FHAD1: variants seen among roughly 807,000 people sequenced by gnomAD.
The protein encoded by FHAD1 is forkhead-associated domain-containing protein 1.
A neutral mutation model predicts 191.3 loss-of-function variants in FHAD1; 146 were observed. The ratio of observed to expected loss-of-function variants is 0.76; its 90% CI spans 0.67 to 0.88. FHAD1 has a LOEUF of 0.88. Ranked by LOEUF, FHAD1 falls within the 40% of genes least tolerant of loss-of-function variation. The probability of loss-of-function intolerance (pLI) is 0.00; values close to 1 mark genes in which losing one functional copy is unlikely to be tolerated. For synonymous variants in FHAD1, 616 were observed against 672.3 expected, an observed-to-expected ratio of 0.92 and a Z score of 1.29; for missense variants, 1,635 against 1,785.8, an observed-to-expected ratio of 0.92 and a Z score of 1.52.
intron 6 of FHAD1, among the ~76,000 whole-genome samples, chr1:15,304,463 C>G (rs1669794884): frequency 6.6e-6 from 1 of 152,212 alleles, no homozygotes; most frequent in South Asian, 2.1e-4. Flanking sequence ...CATTTCCTAT[C>G]TGTCAGACAG....
intron 23 of FHAD1, 63 bp downstream of exon 23, chr1:15,362,789 A>G (rs1230288683): frequency 7.7e-7 from 1 of 1,304,902 alleles, no homozygotes; most frequent in African/African-American, 1.5e-5. Context: ...GTGGGGGCAA[A>G]CAGGCAACCA....
chr1:15,344,852 C>T (rs2102332293), intron 16 of FHAD1, among the ~76,000 whole-genome samples: 1 of 152,302 alleles, frequency 6.6e-6, no homozygotes, highest in African/African-American at 2.4e-5. Context: ...GAAACTGAGG[C>T]TCTGGTAGCT....
At chr1:15,352,695 G>A (rs1006338607) in intron 19 of FHAD1, among the ~76,000 whole-genome samples, 182 bp from the exon 20 acceptor site, 1 of 152,100 alleles carries the variant, frequency 6.6e-6, no homozygotes, top group Non-Finnish European at 1.5e-5. Flanking sequence ...TGGCTCCCGG[G>A]TTCTCACCAT....
chr1:15,385,794 G>A (rs940474675), intron 31 of FHAD1, among the ~76,000 whole-genome samples: 52 of 152,110 alleles, frequency 3.4e-4, no homozygotes, highest in African/African-American at 1.2e-3. Context: ...AGAAAAAAAG[G>A]CATAGTTCTA....
intron 28 of FHAD1, 92 bp from the exon 29 acceptor site, chr1:15,380,609 A>G: frequency 1.0e-6 from 1 of 991,612 alleles, no homozygotes; most frequent in South Asian, 1.4e-5. Flanking sequence ...CTCTTGAGTT[A>G]ATCTTCGGTA....
chr1:15,279,116 C>T (rs1338966755), intron 3 of FHAD1, among the ~76,000 whole-genome samples: 2 of 152,106 alleles, frequency 1.3e-5, no homozygotes, highest in Non-Finnish European at 2.9e-5. Flanking sequence ...TCTCTGGGGC[C>T]ACTGCTTTAC....
rs564245462 is a variant in FHAD1, at chr1:15,385,168, A to G, written c.4189-2883A>G. Among the ~76,000 whole-genome samples the G allele has an allele frequency of 2.0e-5, 3 of 152,036 alleles. No homozygotes were observed. In the South Asian group the frequency reaches 6.2e-4, roughly 32 times the overall value. On this transcript the variant is annotated intron_variant, in intron 31 of 33. Coordinates refer to ENST00000688493, the MANE Select transcript of FHAD1 (RefSeq NM_001391957.1). ...TTGCTTGCTGTTCAAGAATTTGACA[A>G]CATCAGAGAAAACAGTTTTTTTTCA...
intron 31 of FHAD1, among the ~76,000 whole-genome samples, chr1:15,387,038 A>AT (rs1293347082): frequency 6.6e-5 from 10 of 150,926 alleles, no homozygotes; most frequent in South Asian, 2.1e-4. Flanking sequence ...TTATTTTTGT[A>AT]TTTTTTTTAG....
Position 15,240,981 on chromosome 1 carries a change from G to T in FHAD1, c.-15+4220G>T, listed in dbSNP as rs1352842562. Among the ~76,000 whole-genome samples the T allele has an allele frequency of 4.7e-5, 7 of 147,520 alleles. No homozygotes were observed. The East Asian group carries it at 1.4e-3, about 30-fold the overall frequency. On this transcript the variant is annotated intron_variant, in intron 1 of 33. Coordinates refer to the FHAD1 transcript ENST00000683790. The stretch of plus-strand genomic sequence containing the variant: ...CAAAAAAAAAAAAAAAAAAAAGAAA[G>T]AAAGAAAGAAAGCAGATGCAGATTT...
At chr1:15,275,827 T>A (rs1410143426) in intron 3 of FHAD1, among the ~76,000 whole-genome samples, 1 of 152,148 alleles carries the variant, frequency 6.6e-6, no homozygotes, top group Non-Finnish European at 1.5e-5. Flanking sequence ...GGGCTGTGTC[T>A]TCCCCGCGGT....
chr1:15,300,248 G>A lies in FHAD1; in HGVS notation c.679-957G>A, dbSNP rs35936489. On this transcript the variant is annotated intron_variant, in intron 5 of 33. Coordinates refer to ENST00000688493, the MANE Select transcript of FHAD1 (RefSeq NM_001391957.1). ...GTGCTTTTTCTTTTGGAGAGATGGGGGACTGGGTTAATGATACCTGTGGGT... is the reference window on the plus strand; with the variant it reads ...GTGCTTTTTCTTTTGGAGAGATGGGAGACTGGGTTAATGATACCTGTGGGT... Among the ~76,000 whole-genome samples the A allele has an allele frequency of 5.5e-3, 841 of 152,222 alleles. 3 individuals are homozygous for A. Among genetic ancestry groups the A allele is most frequent in the Non-Finnish European group, 8.2e-3 (559 of 68,010 alleles).
chr1:15,307,451 CA>C (rs374632854), intron 6 of FHAD1, among the ~76,000 whole-genome samples: 321 of 152,196 alleles, frequency 2.1e-3, no homozygotes, highest in African/African-American at 7.1e-3. Context: ...TTGGAGGGGC[CA>C]GGGGCAGAAT....
chr1:15,313,097 T>A lies in FHAD1; in HGVS notation c.1080T>A (p.Asp360Glu). The A allele has an allele frequency of 6.4e-7, 1 of 1,551,798 alleles. No homozygotes were observed. Among genetic ancestry groups the A allele is most frequent in the Non-Finnish European group, 8.7e-7 (1 of 1,146,992 alleles). Residue 360 changes from aspartate to glutamate, a missense_variant, in exon 8 of 34, where the codon GAT becomes GAA. Coordinates refer to ENST00000688493, the MANE Select transcript of FHAD1 (RefSeq NM_001391957.1). ...TGCAAAAAGACATATTAGCAAAGGA[T>A]GAGCAAGTTCAACAACTAAAGGAAG... ...SSLQKDILAKDEQVQQLKEEV... is the reference protein window; with the variant it reads ...SSLQKDILAKEEQVQQLKEEV...
chr1:15,291,835 C>G (rs1664873184), intron 4 of FHAD1, among the ~76,000 whole-genome samples: 1 of 152,204 alleles, frequency 6.6e-6, no homozygotes, highest in African/African-American at 2.4e-5. Context: ...TCCTCACTAG[C>G]TGACAGCAGG....
In FHAD1 at chr1:15,368,419, A is replaced by G. The variant is rs556608314; in HGVS notation, c.3314+797A>G. On this transcript the variant is annotated intron_variant, in intron 25 of 33. Transcript: ENST00000688493. ...CTGGAGGTGTCAGCTTAAAATACAT[A>G]CAAAATATTGTCATTGTCCCATGGG... Among the ~76,000 whole-genome samples the G allele has an allele frequency of 2.0e-5, 3 of 152,304 alleles. No homozygotes were observed. The East Asian group carries it at 5.8e-4, about 29-fold the overall frequency.
At chr1:15,360,246 A>G (rs906159348) in intron 21 of FHAD1, among the ~76,000 whole-genome samples, 1 of 152,238 alleles carries the variant, frequency 6.6e-6, no homozygotes, top group African/African-American at 2.4e-5. Context: ...CCTGATAGGT[A>G]GTCAGGGAGG....
intron 17 of FHAD1, 66 bp from the exon 18 acceptor site, chr1:15,345,350 G>A: frequency 6.9e-7 from 1 of 1,452,138 alleles, no homozygotes; most frequent in Non-Finnish European, 9.5e-7. Context: ...AACCTGTGCG[G>A]TGCCTGGCAG....
In FHAD1 at chr1:15,295,687, T is replaced by C. The variant is rs138240321; in HGVS notation, c.569-997T>C. On this transcript the variant is annotated intron_variant, in intron 4 of 33. Coordinates refer to ENST00000688493, the MANE Select transcript of FHAD1 (RefSeq NM_001391957.1). ...TACATATATATTTTCAATCCACAGT[T>C]GGTTGACTCCACAAATGTGGAACCC... 1.5e-4 allele frequency among the ~76,000 whole-genome samples: 23 copies of C among 152,300 alleles called. No homozygotes were observed. The East Asian group carries it at 3.9e-3, about 26-fold the overall frequency.
chr1:15,249,910 G>C (rs748083552), intron 1 of FHAD1, among the ~76,000 whole-genome samples: 1 of 152,162 alleles, frequency 6.6e-6, no homozygotes, highest in Non-Finnish European at 1.5e-5. Context: ...AATGCTAGGG[G>C]ACCTTAACCT....
Sources: allele counts gnomAD v4.1 joint callset (sites outside exome capture counted in the v4.1 genomes callset), GRCh38; gene constraint gnomAD v4.1.1; transcripts MANE v1.5; gene names NCBI Gene and HGNC (gene_info 2026-07-23, HGNC 2026-07-21).